The following MAF variants were observed in gnomAD, a reference collection of about 807,000 sequenced individuals.
The protein encoded by MAF is transcription factor Maf.
In MAF, 10 loss-of-function variants were observed where a neutral mutation model predicts 22.0. The ratio of observed to expected loss-of-function variants is 0.45; its 90% CI spans 0.28 to 0.77. The LOEUF (loss-of-function observed/expected upper bound fraction) is 0.77, where lower values mean the gene tolerates loss of function less well. Ranked by LOEUF, MAF falls within the 30% of genes least tolerant of loss-of-function variation. The pLI is 0.12. For missense variants in MAF, 544 were observed against 548.4 expected (o/e 0.99, Z 0.08); for synonymous variants, 337 against 255.8 (o/e 1.32, Z -3.03).
chr16:79,373,867 T>C, the MAF span, among the ~76,000 whole-genome samples: 1 of 152,172 alleles, frequency 6.6e-6, no homozygotes, highest in South Asian at 2.1e-4. Flanking sequence ...TAAAATAAAT[T>C]ACCCCATTTC....
At chr16:79,303,301 A>G in the MAF span, among the ~76,000 whole-genome samples, 1 of 152,224 alleles carries the variant, frequency 6.6e-6, no homozygotes, top group Non-Finnish European at 1.5e-5. Flanking sequence ...GTTTTTAATA[A>G]GTAAGTGTTG....
chr16:79,203,940 A>G, the MAF span: 4 of 152,326 alleles, frequency 2.6e-5, no homozygotes, highest in East Asian at 1.9e-4. Flanking sequence ...CACACACTAA[A>G]TATCTTCTTT....
intron 1 of MAF, chr16:79,594,979 TGA>T: frequency 9.2e-7 from 1 of 1,084,626 alleles, no homozygotes; most frequent in Non-Finnish European, 1.1e-6. Context: ...TCATTTGTCA[TGA>T]GATAACTGCA....
At chr16:79,511,288 C>A in the MAF span, among the ~76,000 whole-genome samples, 1 of 152,018 alleles carries the variant, frequency 6.6e-6, no homozygotes, top group Non-Finnish European at 1.5e-5. Context: ...TCCCCCAACA[C>A]GTCATTCTCA....
At chr16:79,453,422 T>C in the MAF span, among the ~76,000 whole-genome samples, 8 of 152,238 alleles carry the variant, frequency 5.3e-5, no homozygotes, top group African/African-American at 1.4e-4. Context: ...TACATCTTGA[T>C]AGAAGATAAA....
the MAF span, among the ~76,000 whole-genome samples, chr16:79,380,696 C>T: frequency 6.6e-6 from 1 of 152,336 alleles, no homozygotes; most frequent in African/African-American, 2.4e-5. Context: ...AGAATTTGCT[C>T]TTCATGGCAT....
chr16:79,384,804 T>C, the MAF span, among the ~76,000 whole-genome samples: 1 of 152,106 alleles, frequency 6.6e-6, no homozygotes, highest in Non-Finnish European at 1.5e-5. Context: ...GCATGCTCAC[T>C]TTGGGGAAGT....
At chr16:79,211,043 G>GTGTGTGTGTGTC in the MAF span, among the ~76,000 whole-genome samples, 3 of 151,782 alleles carry the variant, frequency 2.0e-5, no homozygotes, top group Non-Finnish European at 4.4e-5. Flanking sequence ...GAGTGTGTGT[G>GTGTGTGTGTGTC]TGTGTGTGTG....
At chr16:79,474,171 T>C in the MAF span, among the ~76,000 whole-genome samples, 1 of 152,142 alleles carries the variant, frequency 6.6e-6, no homozygotes, top group African/African-American at 2.4e-5. Flanking sequence ...ATTTGTGGTC[T>C]TTAAATTAAA....
the MAF span, among the ~76,000 whole-genome samples, chr16:79,579,538 T>C: frequency 6.6e-6 from 1 of 152,186 alleles, no homozygotes; most frequent in Non-Finnish European, 1.5e-5. Flanking sequence ...ACAAGTCACT[T>C]TATTGCAGCT....
chr16:79,406,291 G>C, the MAF span, among the ~76,000 whole-genome samples: 1 of 152,180 alleles, frequency 6.6e-6, no homozygotes, highest in Non-Finnish European at 1.5e-5. Context: ...GGTCTGGCAC[G>C]TCCCCAAGGA....
the MAF span, among the ~76,000 whole-genome samples, chr16:79,301,246 A>C: frequency 6.6e-6 from 1 of 152,082 alleles, no homozygotes; most frequent in African/African-American, 2.4e-5. Context: ...GACAGGGGGA[A>C]GCGTTTGGTG....
At chr16:79,590,876 C>T (rs541567467), downstream of MAF, among the ~76,000 whole-genome samples, 4 of 152,236 alleles carry the variant, frequency 2.6e-5, no homozygotes, top group East Asian at 5.8e-4. Flanking sequence ...CTGGGATCCT[C>T]GGCCTGCTTT....
At chr16:79,421,891 C>A in the MAF span, among the ~76,000 whole-genome samples, 1 of 152,202 alleles carries the variant, frequency 6.6e-6, no homozygotes, top group Non-Finnish European at 1.5e-5. Flanking sequence ...CATTCTCCTG[C>A]CTCACCCTCC....
the MAF span, among the ~76,000 whole-genome samples, chr16:79,445,425 C>T: frequency 6.6e-5 from 10 of 152,178 alleles, no homozygotes; most frequent in Admixed American, 2.0e-4. Context: ...TTTACAAGAA[C>T]CCTTTTTACA....
the MAF span, among the ~76,000 whole-genome samples, chr16:79,561,092 C>G: frequency 0.016 from 2,474 of 152,234 alleles, 80 homozygotes; most frequent in African/African-American, 0.057. Flanking sequence ...TTAACTGGCT[C>G]TCTGACATAT....
chr16:79,370,395 G>C, the MAF span, among the ~76,000 whole-genome samples: 4 of 152,120 alleles, frequency 2.6e-5, no homozygotes, highest in African/African-American at 9.7e-5. Context: ...GTGGTCCTTT[G>C]CCTATGACAC....
chr16:79,367,924 T>A, the MAF span, among the ~76,000 whole-genome samples: 2 of 152,232 alleles, frequency 1.3e-5, no homozygotes, highest in Admixed American at 1.3e-4. Context: ...GGAGAAATGC[T>A]TTCCAAAGAG....
chr16:79,495,256 G>C, the MAF span, among the ~76,000 whole-genome samples: 2 of 152,102 alleles, frequency 1.3e-5, no homozygotes, highest in Admixed American at 1.3e-4. Flanking sequence ...GAAACCAGCA[G>C]TTGGAGACCA....
Sources: gnomAD v4.1 joint callset for allele counts (sites outside exome capture counted in the v4.1 genomes callset) on GRCh38, gnomAD v4.1.1 for gene constraint, MANE v1.5 for transcripts, NCBI Gene and HGNC (gene_info 2026-07-23, HGNC 2026-07-21) for gene names.